Variants in ROBO1 observed in about 807,000 individuals in gnomAD.
The protein encoded by ROBO1 is roundabout homolog 1.
ROBO1 carries 149 observed loss-of-function variants against 195.9 expected under a neutral mutation model. That is an observed-to-expected ratio of 0.76 (90% confidence interval 0.67 to 0.87). The LOEUF is 0.87. ROBO1 is among the 40% of genes least tolerant of loss of function. ROBO1 has a pLI of 0.00. For missense variants in ROBO1, 1,933 were observed against 2,068.3 expected, an observed-to-expected ratio of 0.93 and a Z score of 1.27; for synonymous variants, 816 against 733.2, an observed-to-expected ratio of 1.11 and a Z score of -1.82.
chr3:79,277,038 C>T (rs1383058693), intron 2 of ROBO1, among the ~76,000 whole-genome samples: 2 of 152,050 alleles, frequency 1.3e-5, no homozygotes, highest in South Asian at 2.1e-4. Context: ...GTTAGTGCAA[C>T]CACTATGGAG....
intron 2 of ROBO1, among the ~76,000 whole-genome samples, chr3:79,477,308 TA>T (rs1938593085): frequency 6.6e-6 from 1 of 152,180 alleles, no homozygotes; most frequent in Non-Finnish European, 1.5e-5. Flanking sequence ...CTGAACAGCT[TA>T]AAATGGACTT....
At chr3:79,343,483 A>C (rs2109233822) in intron 2 of ROBO1, among the ~76,000 whole-genome samples, 1 of 152,292 alleles carries the variant, frequency 6.6e-6, no homozygotes, top group South Asian at 2.1e-4. Context: ...AAATAAATAA[A>C]CTGAGCAATC....
At chr3:79,668,309 A>C (rs1261562637) in intron 1 of ROBO1, among the ~76,000 whole-genome samples, 1 of 151,530 alleles carries the variant, frequency 6.6e-6, no homozygotes, top group East Asian at 1.9e-4. Flanking sequence ...ACAGTCCTCC[A>C]TACTAAACAC....
intron 25 of ROBO1, among the ~76,000 whole-genome samples, chr3:78,627,954 CTTT>C (rs11445603): frequency 2.1e-5 from 3 of 143,406 alleles, no homozygotes; most frequent in Admixed American, 7.0e-5. Context: ...AAAAATTACT[CTTT>C]TTTTTTTTTT....
intron 4 of ROBO1, among the ~76,000 whole-genome samples, chr3:78,781,523 T>C (rs1480033034): frequency 6.6e-6 from 1 of 152,168 alleles, no homozygotes; most frequent in Non-Finnish European, 1.5e-5. Context: ...GTTAAAATCA[T>C]TCCTCTAATC....
At chr3:78,717,976 C>A (rs2108078094) in intron 5 of ROBO1, 93 bp from the exon 6 acceptor site, 3 of 1,227,892 alleles carry the variant, frequency 2.4e-6, no homozygotes, top group East Asian at 2.4e-5. Context: ...GCTTTCTAAG[C>A]ATATAAATCA....
chr3:79,532,382 G>A (rs1288519185), intron 2 of ROBO1, among the ~76,000 whole-genome samples: 1 of 152,050 alleles, frequency 6.6e-6, no homozygotes, highest in African/African-American at 2.4e-5. Context: ...AAAGTTTTAT[G>A]ATGTTTATAT....
intron 4 of ROBO1, among the ~76,000 whole-genome samples, chr3:78,873,802 C>A (rs1315118195): frequency 6.6e-6 from 1 of 151,892 alleles, no homozygotes; most frequent in African/African-American, 2.4e-5. Flanking sequence ...TTATTTGGGC[C>A]ATAACTTTAT....
At chr3:78,616,570 A>T (rs1392258586) in intron 27 of ROBO1, among the ~76,000 whole-genome samples, 2 of 152,140 alleles carry the variant, frequency 1.3e-5, no homozygotes, top group African/African-American at 4.8e-5. Context: ...ATAATGGCCA[A>T]TCCAATATGT....
At chr3:78,693,658 T>A (rs2081224865) in intron 8 of ROBO1, among the ~76,000 whole-genome samples, 1 of 152,204 alleles carries the variant, frequency 6.6e-6, no homozygotes, top group African/African-American at 2.4e-5. Flanking sequence ...CTTTACATTT[T>A]GCTACCAGAC....
intron 3 of ROBO1, among the ~76,000 whole-genome samples, chr3:78,979,210 T>C (rs1367092062): frequency 1.3e-5 from 2 of 152,098 alleles, no homozygotes; most frequent in East Asian, 3.9e-4. Context: ...TTTGTGCCAT[T>C]CCCCTTCCAT....
intron 3 of ROBO1, among the ~76,000 whole-genome samples, chr3:79,088,264 G>A (rs2079411973): frequency 6.6e-6 from 1 of 152,072 alleles, no homozygotes; most frequent in Non-Finnish European, 1.5e-5. Context: ...CCACTATCTT[G>A]TTAAACTGGA....
intron 1 of ROBO1, among the ~76,000 whole-genome samples, chr3:79,738,232 T>C (rs1184268235): frequency 6.6e-6 from 1 of 152,050 alleles, no homozygotes; most frequent in African/African-American, 2.4e-5. Flanking sequence ...TCCCACCAAG[T>C]AGAGAAACAG....
rs191073113 is a variant in ROBO1, at chr3:79,457,869, C to T, written c.88+131955G>A. ...TGGGTATTTCTTCATAGCAATATGA[C>T]GATGAACTAATAGAGAAGAAAGAAA... On this transcript the variant is annotated intron_variant, in intron 2 of 30. Coordinates refer to ENST00000464233, the MANE Select transcript of ROBO1 (RefSeq NM_002941.4). 6.4e-4 allele frequency among the ~76,000 whole-genome samples: 97 copies of T among 151,966 alleles called. 1 individual carries two copies. The highest frequency in any genetic ancestry group is 1.5e-3 in the South Asian group (7 of 4,802).
intron 2 of ROBO1, among the ~76,000 whole-genome samples, chr3:79,560,659 C>T (rs1942885653): frequency 6.6e-6 from 1 of 150,798 alleles, no homozygotes; most frequent in Admixed American, 6.6e-5. Flanking sequence ...CTCATCTTCA[C>T]ACCGTAGATC....
chr3:79,030,307 A>AT (rs1383284023), intron 3 of ROBO1, among the ~76,000 whole-genome samples: 1 of 152,202 alleles, frequency 6.6e-6, no homozygotes, highest in African/African-American at 2.4e-5. Context: ...TGGTATAGGC[A>AT]TCTGGTGTGT....
chr3:79,684,149 A>G (rs1046904775), intron 1 of ROBO1, among the ~76,000 whole-genome samples: 5 of 152,160 alleles, frequency 3.3e-5, no homozygotes, highest in African/African-American at 1.2e-4. Flanking sequence ...AAACTTATGC[A>G]CTTTAAGCTG....
intron 1 of ROBO1, among the ~76,000 whole-genome samples, chr3:79,684,335 C>A (rs1947036942): frequency 6.6e-6 from 1 of 152,050 alleles, no homozygotes; most frequent in South Asian, 2.1e-4. Flanking sequence ...TAAACATATA[C>A]ACATAAATAA....
At chr3:79,299,301 C>T (rs937437305) in intron 2 of ROBO1, among the ~76,000 whole-genome samples, 2 of 152,116 alleles carry the variant, frequency 1.3e-5, no homozygotes. Flanking sequence ...CTGGCTGCAA[C>T]ATTAACTAGA....
Sources: allele counts gnomAD v4.1 joint callset (sites outside exome capture counted in the v4.1 genomes callset), GRCh38; gene constraint gnomAD v4.1.1; transcripts MANE v1.5; gene names NCBI Gene and HGNC (gene_info 2026-07-23, HGNC 2026-07-21).